DNAAF8: variants seen among roughly 807,000 people sequenced by gnomAD.
DNAAF8 encodes the protein dynein axonemal assembly factor 8.
In DNAAF8, 61 loss-of-function variants were observed where a neutral mutation model predicts 54.6. The observed-to-expected ratio is 1.12, with a 90% CI of 0.91 to 1.38. DNAAF8 has a LOEUF of 1.38. DNAAF8 is among the 40% of genes most tolerant of loss of function. The pLI is 0.00. For missense variants in DNAAF8, 837 were observed against 665.0 expected (o/e 1.26, Z -2.85); for synonymous variants, 320 against 270.1 (o/e 1.18, Z -1.81).
Position 4,741,531 on chromosome 16 carries a change from G to A in DNAAF8, c.783+872G>A, listed in dbSNP as rs373191983. On this transcript the variant is annotated intron_variant, in intron 4 of 9. Transcript: ENST00000299320. The stretch of plus-strand genomic sequence containing the variant: ...AACTGGGATTTTGGCCAGGTGTGAT[G>A]GCTCACGCTTGTAATCCCAGCACTT... Among the ~76,000 whole-genome samples, 39 of 152,268 alleles carry A rather than the reference G, an allele frequency of 2.6e-4. No individual in the cohort carries two copies. The South Asian group carries it at 7.9e-3, about 31-fold the overall frequency.
In DNAAF8 at chr16:4,747,325, G is replaced by T. The variant is rs1258316413; in HGVS notation, c.1281-18G>T. On this transcript the variant is annotated intron_variant, in intron 8 of 9. Transcript: ENST00000299320. Reference sequence around the variant, plus strand: ...GGCCCCCACGGGGTTGAGTGAATTTGGTCTCATTGTGTCACAGGACCTGTA... The same window carrying T: ...GGCCCCCACGGGGTTGAGTGAATTTTGTCTCATTGTGTCACAGGACCTGTA... 2.0e-6 allele frequency: 3 copies of T among 1,537,620 alleles called. No individual in the cohort carries two copies. The highest frequency in any genetic ancestry group is 2.6e-6 in the Non-Finnish European group (3 of 1,141,056).
chr16:4,736,708 G>A, intron 2 of DNAAF8, 65 bp downstream of exon 2: 1 of 1,381,704 alleles, frequency 7.2e-7, no homozygotes, highest in Non-Finnish European at 9.6e-7. Context: ...ACGCTGGCCA[G>A]GACAGCTTTG....
rs373154167 is a variant in DNAAF8, at chr16:4,746,219, GAAGAGT to G, written c.1044-153_1044-148del. 1,185 of 782,522 alleles carry G rather than the reference GAAGAGT, an allele frequency of 1.5e-3. 10 individuals carry two copies. In the African/African-American group the frequency reaches 0.018, roughly 12 times the overall value. 48.5% of individuals were successfully genotyped at this position (782,522 alleles called of 1,614,324 possible). A position where few individuals can be genotyped will look rare whatever the true frequency, so the allele number is the denominator to read the frequency against. The stretch of plus-strand genomic sequence containing the variant: ...TGGCCTAAATCTCGCATGCTGTTCT[GAAGAGT>G]AAAAGAGCAAATGTGTTTAATGTGC... On this transcript the variant is annotated intron_variant, in intron 6 of 9. Transcript: ENST00000299320.
At chr16:4,741,537 C>T (rs544950581) in intron 4 of DNAAF8, among the ~76,000 whole-genome samples, 25 of 152,248 alleles carry the variant, frequency 1.6e-4, no homozygotes, top group African/African-American at 4.3e-4. Context: ...TGATGGCTCA[C>T]GCTTGTAATC....
intron 9 of DNAAF8, among the ~76,000 whole-genome samples, chr16:4,748,061 G>C (rs1253021240): frequency 2.0e-5 from 3 of 152,046 alleles, no homozygotes; most frequent in Non-Finnish European, 4.4e-5. Flanking sequence ...AGAGACCTAA[G>C]CCTTATTTTC....
chr16:4,736,346 C>G, intron 1 of DNAAF8, 118 bp from the exon 2 acceptor site: 1 of 646,344 alleles, frequency 1.5e-6, no homozygotes, highest in Non-Finnish European at 2.3e-6. Flanking sequence ...TAGAAGGAAA[C>G]TGAGGCAGGT....
rs2082027991 is a variant in DNAAF8 at position 4,747,140 on chromosome 16, C to T, written c.1280+115C>T. On this transcript the variant is annotated intron_variant, in intron 8 of 9. Coordinates refer to ENST00000299320, the MANE Select transcript of DNAAF8 (RefSeq NM_139170.3). ...GTGAGGTCTTGCTGCACCCACCGCA[C>T]AGGGTGAGGGGGACGGCACAGCTTT... The T allele has an allele frequency of 7.5e-5, 92 of 1,228,854 alleles. 3 individuals are homozygous for T. In the South Asian group the frequency reaches 1.4e-3, roughly 18 times the overall value. The allele number at this position is 1,228,854 out of a possible 1,614,324, so 76.1% of individuals were successfully genotyped here. A position where few individuals can be genotyped will look rare whatever the true frequency, so the allele number is the denominator to read the frequency against.
In DNAAF8 at chr16:4,749,224, C is replaced by G. The variant is rs1293587211; in HGVS notation, c.*509C>G. 1 of 154,494 alleles carries G rather than the reference C, an allele frequency of 6.5e-6. No homozygotes were observed. The highest frequency in any genetic ancestry group is 1.5e-5 in the Non-Finnish European group (1 of 68,260). 9.6% of individuals were successfully genotyped at this position (154,494 alleles called of 1,614,324 possible). A position where few individuals can be genotyped will look rare whatever the true frequency, so the allele number is the denominator to read the frequency against. ...TGCCGCCAGAACCGGGCTCTGCCCC[C>G]ATACGCTGCCCTCGCAGCCTGGCGG... On this transcript the variant is annotated 3_prime_UTR_variant, in exon 10 of 10. Transcript: ENST00000299320.
chr16:4,738,031 C>G, intron 3 of DNAAF8, 85 bp downstream of exon 3: 1 of 1,451,336 alleles, frequency 6.9e-7, no homozygotes, highest in Non-Finnish European at 9.4e-7. Flanking sequence ...TCTAGCATTT[C>G]CACGATATGC....
chr16:4,740,562 G>T lies in DNAAF8; in HGVS notation c.686G>T (p.Gly229Val). ...GGCCCGACCAGCAGTGACAAAGGTG[G>T]GGTGAAGGAGGCGCCCTGCCACGCT... ...ACGPTSSDKG[G>V]VKEAPCHAAE... Residue 229 changes from glycine to valine, a missense_variant, in exon 4 of 10, where the codon GGG (glycine) becomes GTG (valine). Coordinates refer to ENST00000299320, the MANE Select transcript of DNAAF8 (RefSeq NM_139170.3). The T allele has an allele frequency of 6.2e-7, 1 of 1,613,896 alleles. No homozygotes were observed. Among genetic ancestry groups the T allele is most frequent in the Non-Finnish European group, 8.5e-7 (1 of 1,180,014 alleles).
chr16:4,747,344 A>C lies in DNAAF8; in HGVS notation c.1282A>C (p.Thr428Pro), dbSNP rs1362784302. 1 of 1,573,304 alleles carries C rather than the reference A, an allele frequency of 6.4e-7. No homozygotes were observed. Among genetic ancestry groups the C allele is most frequent in the Non-Finnish European group, 8.6e-7 (1 of 1,157,872 alleles). Residue 428 changes from threonine to proline, a missense_variant and splice_region_variant, in exon 9 of 10, where the codon ACC becomes CCC. Thr to Pro is a conservative substitution (Grantham distance 38). Transcript: ENST00000299320. ...GASPSSLGLR[T>P]CTGKSQLLQQ... The stretch of plus-strand genomic sequence containing the variant: ...GAATTTGGTCTCATTGTGTCACAGG[A>C]CCTGTACCGGGAAAAGCCAGCTTCT...
intron 1 of DNAAF8, among the ~76,000 whole-genome samples, chr16:4,735,632 G>A (rs1349212963): frequency 6.7e-6 from 1 of 149,280 alleles, no homozygotes; most frequent in Admixed American, 6.7e-5. Context: ...TCAGAGTAGT[G>A]ACTCCAAAAA....
At chr16:4,745,073 CACTG>C (rs1197541399) in intron 6 of DNAAF8, 62 bp downstream of exon 6, 9 of 1,566,824 alleles carry the variant, frequency 5.7e-6, no homozygotes, top group Admixed American at 1.7e-5. Flanking sequence ...GGTTTTGTAG[CACTG>C]ACTGGGCCTA....
intron 5 of DNAAF8, among the ~76,000 whole-genome samples, chr16:4,744,373 T>C (rs1004086458): frequency 3.9e-5 from 6 of 152,276 alleles, no homozygotes; most frequent in African/African-American, 1.4e-4. Context: ...TCTGAAAAGC[T>C]GGAAACAACC....
At position 4,746,434 on chromosome 16, in the gene DNAAF8, T is replaced by A; in HGVS notation, c.1103T>A (p.Met368Lys). Residue 368 changes from methionine (M) to lysine (K), a missense_variant, in exon 7 of 10, where the codon ATG becomes AAG. Coordinates refer to ENST00000299320, the MANE Select transcript of DNAAF8 (RefSeq NM_139170.3). Reference sequence around the variant, plus strand: ...CCAGGCCCGCAGCTGGCCCAGGGCATGAGGCTTAACGCAGAGTCCCCCACC... The same window carrying A: ...CCAGGCCCGCAGCTGGCCCAGGGCAAGAGGCTTAACGCAGAGTCCCCCACC... Reference protein sequence around the residue: ...AGPGPQLAQGMRLNAESPTIF... With the variant: ...AGPGPQLAQGKRLNAESPTIF... 5 of 1,613,606 alleles carry A rather than the reference T, an allele frequency of 3.1e-6. No individual in the cohort carries two copies. The highest frequency in any genetic ancestry group is 4.2e-6 in the Non-Finnish European group (5 of 1,179,806).
Position 4,744,875 on chromosome 16 carries a change from A to G in DNAAF8, c.907A>G (p.Met303Val). Residue 303 changes from methionine (M) to valine (V), a missense_variant, in exon 6 of 10, where the codon ATG becomes GTG. Physicochemically the swap from Met to Val is conservative, Grantham distance 21. Coordinates refer to ENST00000299320, the MANE Select transcript of DNAAF8 (RefSeq NM_139170.3). ...AADHRQVQDR[M>V]VPSAHNRLME... is the part of the protein sequence containing the mutation. The stretch of plus-strand genomic sequence containing the variant: ...TCTCCTTTGGCCATCCTCAGACCGC[A>G]TGGTGCCGAGCGCCCACAACAGGCT... 3.1e-6 allele frequency: 5 copies of G among 1,612,748 alleles called. No homozygotes were observed. Among genetic ancestry groups the G allele is most frequent in the Non-Finnish European group, 3.4e-6 (4 of 1,179,358 alleles).
chr16:4,747,793 CA>C (rs59575807), intron 9 of DNAAF8, among the ~76,000 whole-genome samples, 159 bp downstream of exon 9: 85,128 of 151,866 alleles, frequency 0.56, 24,639 homozygotes, highest in East Asian at 0.67. Context: ...AGCTCAGTCA[CA>C]GGTGCATGAA....
Position 4,740,302 on chromosome 16 carries a change from G to T in DNAAF8, c.426G>T (p.Glu142Asp). The T allele has an allele frequency of 6.2e-7, 1 of 1,613,880 alleles. No homozygotes were observed. Among genetic ancestry groups the T allele is most frequent in the Non-Finnish European group, 8.5e-7 (1 of 1,179,930 alleles). ...EVSALLGMAE[E>D]PPRWLEGDLG... is the part of the protein sequence containing the mutation. Reference sequence around the variant, plus strand: ...GCGCTCTTCTTGGGATGGCCGAGGAGCCCCCCAGGTGGCTGGAAGGCGACC... The same window carrying T: ...GCGCTCTTCTTGGGATGGCCGAGGATCCCCCCAGGTGGCTGGAAGGCGACC... The change falls in exon 4 of 10, where the codon GAG (glutamate) becomes GAT (aspartate). Residue 142 changes from glutamate (E) to aspartate (D), a missense_variant. Coordinates refer to ENST00000299320, the MANE Select transcript of DNAAF8 (RefSeq NM_139170.3).
In DNAAF8 at chr16:4,747,570, T is replaced by C. The variant is rs2082034535; in HGVS notation, c.1508T>C (p.Val503Ala). Reference protein sequence around the residue: ...PRGRPRALGDVPEPGAAREAL... With the variant: ...PRGRPRALGDAPEPGAAREAL... ...GGCAGGCCCAGAGCCCTGGGGGATGTTCCTGAGCCAGGGGCAGCCAGGGAG... is the reference window on the plus strand; with the variant it reads ...GGCAGGCCCAGAGCCCTGGGGGATGCTCCTGAGCCAGGGGCAGCCAGGGAG... Residue 503 changes from valine (V) to alanine (A), a missense_variant, in exon 9 of 10, where the codon GTT becomes GCT. Physicochemically the swap from Val to Ala is moderately conservative, Grantham distance 64 (BLOSUM62 0). Coordinates refer to ENST00000299320, the MANE Select transcript of DNAAF8 (RefSeq NM_139170.3). 1 of 1,611,702 alleles carries C rather than the reference T, an allele frequency of 6.2e-7. No individual in the cohort carries two copies. Among genetic ancestry groups the C allele is most frequent in the Non-Finnish European group, 8.5e-7 (1 of 1,179,560 alleles).
Sources: gnomAD v4.1 joint callset for allele counts (sites outside exome capture counted in the v4.1 genomes callset) on GRCh38, gnomAD v4.1.1 for gene constraint, MANE v1.5 for transcripts, NCBI Gene and HGNC (gene_info 2026-07-23, HGNC 2026-07-21) for gene names.